The following DENND2D variants were observed in gnomAD, a reference collection of about 807,000 sequenced individuals.
DENND2D encodes DENN domain-containing protein 2D.
In DENND2D, 37 loss-of-function variants were observed where a neutral mutation model predicts 59.8. The ratio of observed to expected loss-of-function variants is 0.62; its 90% CI spans 0.48 to 0.81. The LOEUF (loss-of-function observed/expected upper bound fraction) is 0.81. DENND2D is among the 40% of genes least tolerant of loss of function. DENND2D has a pLI of 0.00. For synonymous variants in DENND2D, 219 were observed against 211.3 expected, an observed-to-expected ratio of 1.04 and a Z score of -0.31; for missense variants, 525 against 579.7, an observed-to-expected ratio of 0.91 and a Z score of 0.97.
At position 111,187,250 on chromosome 1, in the gene DENND2D, C is replaced by A. The variant is rs573921675; in HGVS notation, c.*355G>T. ...ATGTAGAGAGGCTGAGCCTTTCGAC[C>A]ACAAAGTGTGTTCTGTGTTGAAGAT... is the stretch of plus-strand genomic sequence containing the variant. On this transcript the variant is annotated 3_prime_UTR_variant, in exon 12 of 12. Transcript: ENST00000357640. 4 of 217,444 alleles carry A rather than the reference C, an allele frequency of 1.8e-5. No homozygotes were observed. Among genetic ancestry groups the A allele is most frequent in the African/African-American group, 9.1e-5 (4 of 44,196 alleles). 13.5% of individuals were successfully genotyped at this position (217,444 alleles called of 1,614,324 possible).
At chr1:111,188,034 T>G (rs947428626) in intron 11 of DENND2D, 97 bp downstream of exon 11, 19 of 1,498,046 alleles carry the variant, frequency 1.3e-5, no homozygotes, top group Admixed American at 2.2e-5. Context: ...TACAGCTATT[T>G]TGTGGGTTTC....
Position 111,189,456 on chromosome 1 carries a change from G to T in DENND2D, c.973-203C>A, listed in dbSNP as rs1657525946. The T allele has an allele frequency of 8.4e-6, 5 of 594,654 alleles. No homozygotes were observed. In the East Asian group the frequency reaches 8.6e-5, roughly 10 times the overall value. 36.8% of individuals were successfully genotyped at this position (594,654 alleles called of 1,614,324 possible). On this transcript the variant is annotated intron_variant, in intron 8 of 11. Transcript: ENST00000357640. ...TCTCAGTTCCATTCCTGAGGAAAGG[G>T]TGTGGGTGTTTGTAGGAAGGGAGTA...
rs1479615306 is a variant in DENND2D at position 111,187,667 on chromosome 1, T to C, written c.1354A>G (p.Lys452Glu). Residue 452 changes from lysine to glutamate, a missense_variant, in exon 12 of 12, where the codon AAA (lysine) becomes GAA (glutamate). Physicochemically the swap from Lys to Glu is moderately conservative, Grantham distance 56 (BLOSUM62 1). Coordinates refer to ENST00000357640, the MANE Select transcript of DENND2D (RefSeq NM_024901.5). Reference protein sequence around the residue: ...KNPPAGYFQQKILEYEEQKKQ... With the variant: ...KNPPAGYFQQEILEYEEQKKQ... ...TTCTGTTCCTCATATTCAAGTATTT[T>C]CTGTTGGAAATAGCCTGTGGGTTCA... is the stretch of plus-strand genomic sequence containing the variant. The C allele has an allele frequency of 2.5e-6, 4 of 1,613,612 alleles. No homozygotes were observed. Among genetic ancestry groups the C allele is most frequent in the Non-Finnish European group, 3.4e-6 (4 of 1,179,736 alleles).
At position 111,196,924 on chromosome 1, in the gene DENND2D, C is replaced by T. The variant is rs574627966; in HGVS notation, c.504+252G>A. 19 of 451,752 alleles carry T rather than the reference C, an allele frequency of 4.2e-5. No homozygotes were observed. In the Admixed American group the frequency reaches 5.6e-4, roughly 13 times the overall value. The allele number at this position is 451,752 out of a possible 1,614,324, so 28.0% of individuals were successfully genotyped here. On this transcript the variant is annotated intron_variant, in intron 5 of 11. Coordinates refer to ENST00000357640, the MANE Select transcript of DENND2D (RefSeq NM_024901.5). ...GCAGAAGTTTCTTCTGCTTGTCCTA[C>T]TTCAACTACTTTCTTACTTGGCTAG...
chr1:111,188,671 G>T, intron 10 of DENND2D, 31 bp downstream of exon 10: 1 of 1,582,208 alleles, frequency 6.3e-7, no homozygotes, highest in South Asian at 1.1e-5. Context: ...TGCACTGCCT[G>T]GAGAGACCCA....
intron 4 of DENND2D, 168 bp from the exon 5 acceptor site, chr1:111,197,421 G>A (rs1274299815): frequency 3.4e-6 from 5 of 1,451,712 alleles, no homozygotes; most frequent in Non-Finnish European, 3.6e-6. Flanking sequence ...AGAAATCCTT[G>A]AGGGTACTGG....
intron 3 of DENND2D, 146 bp from the exon 4 acceptor site, chr1:111,198,135 A>G (rs1658427623): frequency 1.4e-6 from 1 of 706,780 alleles, no homozygotes; most frequent in Admixed American, 2.6e-5. Context: ...CAGGCCCTAA[A>G]CACATCATCT....
rs752919453 is a variant in DENND2D at position 111,188,403 on chromosome 1, A to C, written c.1100-33T>G. ...AGATATAAAGGCCATCTCAGAGGGTAGCAGAAGGATGAAATTACCCAAACT... is the reference window on the plus strand; with the variant it reads ...AGATATAAAGGCCATCTCAGAGGGTCGCAGAAGGATGAAATTACCCAAACT... On this transcript the variant is annotated intron_variant, in intron 10 of 11. Transcript: ENST00000357640. The C allele has an allele frequency of 7.5e-6, 12 of 1,603,094 alleles. No homozygotes were observed. The East Asian group carries it at 2.7e-4, about 36-fold the overall frequency.
chr1:111,188,656 G>A, intron 10 of DENND2D, 46 bp downstream of exon 10: 1 of 1,483,890 alleles, frequency 6.7e-7, no homozygotes, highest in Non-Finnish European at 9.4e-7. Flanking sequence ...TGAGAAGCAT[G>A]CCCTTGCACT....
chr1:111,187,708 G>T, intron 11 of DENND2D, 27 bp from the exon 12 acceptor site: 1 of 1,575,480 alleles, frequency 6.3e-7, no homozygotes, highest in Non-Finnish European at 8.7e-7. Context: ...AGGTGTTAGA[G>T]GCATCTGATC....
chr1:111,197,806 T>A, intron 4 of DENND2D, 114 bp downstream of exon 4: 1 of 1,535,524 alleles, frequency 6.5e-7, no homozygotes, highest in Non-Finnish European at 8.8e-7. Flanking sequence ...CTGTGCTTTT[T>A]CTACAACCAG....
At chr1:111,194,167 T>C (rs1264607016) in intron 7 of DENND2D, among the ~76,000 whole-genome samples, 3 of 152,246 alleles carry the variant, frequency 2.0e-5, no homozygotes, top group Non-Finnish European at 4.4e-5. Context: ...GTCCTGTTTG[T>C]ATCTTCCCAA....
At chr1:111,193,807 C>T (rs562158951) in intron 7 of DENND2D, among the ~76,000 whole-genome samples, 1 of 152,310 alleles carries the variant, frequency 6.6e-6, no homozygotes, top group Non-Finnish European at 1.5e-5. Flanking sequence ...ACGTCCTTCT[C>T]AGATCTGAAG....
chr1:111,193,412 T>A (rs1657952164), intron 7 of DENND2D, among the ~76,000 whole-genome samples: 1 of 152,196 alleles, frequency 6.6e-6, no homozygotes, highest in African/African-American at 2.4e-5. Context: ...AAAGGCAGAA[T>A]CCCAGCTCTA....
chr1:111,200,795 G>A, upstream of DENND2D: 2 of 1,029,792 alleles, frequency 1.9e-6, no homozygotes, highest in South Asian at 3.6e-5. Context: ...TAGCCGGAAA[G>A]GCCTGGCTAC....
chr1:111,197,905 C>G lies in DENND2D; in HGVS notation c.426+15G>C, dbSNP rs1658401310. The G allele has an allele frequency of 6.2e-7, 1 of 1,613,456 alleles. No homozygotes were observed. The highest frequency in any genetic ancestry group is 1.7e-5 in the Admixed American group (1 of 60,006). ...AGACTGCAGAAAGGAAGGGGCAGTT[C>G]TGAGCTGCACAGACCAAGAGGCGCC... On this transcript the variant is annotated intron_variant, in intron 4 of 11. Coordinates refer to ENST00000357640, the MANE Select transcript of DENND2D (RefSeq NM_024901.5).
intron 11 of DENND2D, 131 bp downstream of exon 11, chr1:111,188,000 C>T: frequency 7.5e-7 from 1 of 1,340,790 alleles, no homozygotes; most frequent in Non-Finnish European, 1.0e-6. Flanking sequence ...TATGTCATTT[C>T]AACTCCACTA....
At chr1:111,199,531 T>C (rs1658587958) in intron 2 of DENND2D, 92 bp downstream of exon 2, 7 of 1,439,906 alleles carry the variant, frequency 4.9e-6, no homozygotes, top group Non-Finnish European at 6.6e-6. Context: ...CAAGCCCCGG[T>C]AGGGTAGGGA....
Position 111,199,691 on chromosome 1 carries a change from CA to C in DENND2D, c.174del (p.Val59TrpfsTer16). The C allele has an allele frequency of 6.2e-7, 1 of 1,614,140 alleles. No homozygotes were observed. ...AGGQHFFEYL[L>X]VVSLKKKRSE... ...GAACGCTTCTTTTTGAGAGAAACCA[CA>C]AGAAGGTATTCAAAGAAGTGCTGCC... On this transcript the variant is annotated frameshift_variant, in exon 2 of 12. Coordinates refer to ENST00000357640, the MANE Select transcript of DENND2D (RefSeq NM_024901.5). LOFTEE classifies it high-confidence loss of function.
Sources: gnomAD v4.1 joint callset for allele counts (sites outside exome capture counted in the v4.1 genomes callset) on GRCh38, gnomAD v4.1.1 for gene constraint, MANE v1.5 for transcripts, NCBI Gene and HGNC (gene_info 2026-07-23, HGNC 2026-07-21) for gene names.